Variants in TRPC5 observed in about 807,000 individuals in gnomAD.
TRPC5 encodes transient receptor potential cation channel subfamily C member 5, also known as short transient receptor potential channel 5.
A neutral mutation model predicts 56.5 loss-of-function variants in TRPC5; 9 were observed. The observed-to-expected ratio is 0.16, with a 90% CI of 0.10 to 0.28. The LOEUF is 0.28. Among genes scored for constraint, TRPC5 ranks in the 10% least tolerant of loss-of-function variants. The probability of loss-of-function intolerance (pLI) is 1.00; values close to 1 mark genes in which losing one functional copy is unlikely to be tolerated. For missense variants in TRPC5, 469 were observed against 748.9 expected (o/e 0.63, Z 4.36); for synonymous variants, 282 against 278.5 (o/e 1.01, Z -0.13).
intron 1 of TRPC5, among the ~76,000 whole-genome samples, chrX:112,056,761 C>A (rs1930349673): frequency 8.9e-6 from 1 of 111,981 alleles, no homozygotes; most frequent in South Asian, 3.7e-4. Flanking sequence ...CCATTTTTAC[C>A]ATTAACTGCA....
intron 2 of TRPC5, among the ~76,000 whole-genome samples, chrX:111,921,447 AT>A (rs374404931): frequency 0.1 from 10,329 of 103,235 alleles, 499 homozygotes; most frequent in African/African-American, 0.18. Flanking sequence ...ACGATTTAAC[AT>A]TTTTTTTTTT....
chrX:111,950,798 C>A (rs1927067749), intron 2 of TRPC5, among the ~76,000 whole-genome samples: 1 of 112,203 alleles, frequency 8.9e-6, no homozygotes, highest in Admixed American at 9.4e-5. Context: ...TCATTTCTCC[C>A]TTATGAAGAA....
chrX:111,960,750 A>G (rs1292041192), intron 1 of TRPC5, among the ~76,000 whole-genome samples: 2 of 111,600 alleles, frequency 1.8e-5, no homozygotes, highest in Non-Finnish European at 3.8e-5. Flanking sequence ...TTATTGGCCA[A>G]ACTTCCTTAA....
intron 7 of TRPC5, among the ~76,000 whole-genome samples, chrX:111,822,132 A>G (rs957741582): frequency 8.9e-6 from 1 of 111,844 alleles, no homozygotes; most frequent in African/African-American, 3.3e-5. Context: ...GATTCTTTGC[A>G]AAACTGTGAT....
At chrX:111,877,362 T>C (rs1233234891) in intron 3 of TRPC5, among the ~76,000 whole-genome samples, 2 of 111,454 alleles carry the variant, frequency 1.8e-5, no homozygotes, top group African/African-American at 6.5e-5. Flanking sequence ...TGAGGAAGAA[T>C]GGGTTTGGAA....
intron 1 of TRPC5, among the ~76,000 whole-genome samples, chrX:112,035,489 T>G (rs1424331446): frequency 2.7e-5 from 3 of 110,196 alleles, no homozygotes; most frequent in Non-Finnish European, 5.7e-5. Flanking sequence ...TGCACATACT[T>G]AGAGAAGCAT....
chrX:111,940,101 A>C (rs1416938967), intron 2 of TRPC5, among the ~76,000 whole-genome samples: 1 of 111,825 alleles, frequency 8.9e-6, no homozygotes, highest in Non-Finnish European at 1.9e-5. Context: ...CATTTCTTTC[A>C]AAAAATTTAA....
chrX:111,994,417 T>C (rs1300384282), intron 1 of TRPC5, among the ~76,000 whole-genome samples: 1 of 111,594 alleles, frequency 9.0e-6, no homozygotes, highest in Non-Finnish European at 1.9e-5. Flanking sequence ...AAGTTTAAAG[T>C]AGTTTTTTCC....
intron 1 of TRPC5, among the ~76,000 whole-genome samples, chrX:112,053,116 T>C (rs1387713639): frequency 8.9e-6 from 1 of 111,886 alleles, no homozygotes; most frequent in Non-Finnish European, 1.9e-5. Context: ...TTTGACATTA[T>C]GAAGAAAACC....
intron 1 of TRPC5, among the ~76,000 whole-genome samples, chrX:111,964,618 C>T (rs901839804): frequency 1.1e-4 from 12 of 112,528 alleles, no homozygotes; most frequent in Admixed American, 4.7e-4. Flanking sequence ...AGACTAACAG[C>T]GGATCTCTTG....
chrX:111,998,271 T>C (rs2148658789), intron 1 of TRPC5, among the ~76,000 whole-genome samples: 1 of 112,173 alleles, frequency 8.9e-6, no homozygotes, highest in East Asian at 2.8e-4. Context: ...TTTTAATTGA[T>C]ACATAATAGT....
At chrX:112,035,690 G>C (rs1165245637) in intron 1 of TRPC5, among the ~76,000 whole-genome samples, 1 of 109,470 alleles carries the variant, frequency 9.1e-6, no homozygotes. Flanking sequence ...GGAGTGCAGT[G>C]GTGTGATCTT....
At chrX:111,976,488 A>G (rs941047192) in intron 1 of TRPC5, among the ~76,000 whole-genome samples, 2 of 111,204 alleles carry the variant, frequency 1.8e-5, no homozygotes, top group African/African-American at 6.5e-5. Context: ...GCTTACCTTA[A>G]CACAATAAAG....
intron 2 of TRPC5, among the ~76,000 whole-genome samples, chrX:111,915,793 C>A (rs1419219699): frequency 9.0e-6 from 1 of 110,721 alleles, no homozygotes; most frequent in Non-Finnish European, 1.9e-5. Context: ...ATTAAATTTC[C>A]TGTTTTCACA....
chrX:111,984,672 T>A (rs1466869285), intron 1 of TRPC5, among the ~76,000 whole-genome samples: 1 of 111,761 alleles, frequency 8.9e-6, no homozygotes, highest in Non-Finnish European at 1.9e-5. Flanking sequence ...CAGCAGAATA[T>A]CATCAATGTA....
At chrX:112,042,674 C>G (rs752719374) in intron 1 of TRPC5, among the ~76,000 whole-genome samples, 16 of 111,534 alleles carry the variant, frequency 1.4e-4, no homozygotes, top group Non-Finnish European at 2.6e-4. Flanking sequence ...TCCAGTACTC[C>G]TAACTACTAC....
chrX:111,946,667 T>A (rs763277381), intron 2 of TRPC5, among the ~76,000 whole-genome samples: 2 of 112,570 alleles, frequency 1.8e-5, no homozygotes, highest in Admixed American at 1.9e-4. Context: ...GAAAATTCAC[T>A]TAACTCTTTC....
At chrX:111,903,095 C>A (rs776948597) in intron 3 of TRPC5, 16 of 111,489 alleles carry the variant, frequency 1.4e-4, no homozygotes, top group Admixed American at 2.9e-4. Context: ...CCCTTGTTTT[C>A]CTGGGTCACC....
chrX:112,025,227 A>G (rs1929383690), intron 1 of TRPC5, among the ~76,000 whole-genome samples: 1 of 112,287 alleles, frequency 8.9e-6, no homozygotes, highest in South Asian at 3.7e-4. Context: ...AACGCACTGT[A>G]AATAATGGTA....
Sources: gnomAD v4.1 joint callset for allele counts (sites outside exome capture counted in the v4.1 genomes callset) on GRCh38, gnomAD v4.1.1 for gene constraint, MANE v1.5 for transcripts, NCBI Gene and HGNC (gene_info 2026-07-23, HGNC 2026-07-21) for gene names.